The following NME7 variants were observed in gnomAD, a reference collection of about 807,000 sequenced individuals.
The protein encoded by NME7 is nucleoside diphosphate kinase 7.
Under a neutral mutation model 49.1 loss-of-function variants are expected in NME7, and 41 were observed. That is an observed-to-expected ratio of 0.83 (90% CI 0.65 to 1.08). The LOEUF (loss-of-function observed/expected upper bound fraction) is 1.08, where lower values mean the gene tolerates loss of function less well. Among genes scored for constraint, NME7 ranks in the 50% least tolerant of loss-of-function variants. The probability of loss-of-function intolerance (pLI) is 0.00; values close to 1 mark genes in which losing one functional copy is unlikely to be tolerated. For missense variants in NME7, 423 were observed against 463.4 expected, an observed-to-expected ratio of 0.91 and a Z score of 0.80; for synonymous variants, 139 against 150.6, an observed-to-expected ratio of 0.92 and a Z score of 0.56.
intron 3 of NME7, among the ~76,000 whole-genome samples, chr1:169,311,182 G>A (rs1336475151): frequency 1.3e-5 from 2 of 152,084 alleles, no homozygotes; most frequent in African/African-American, 2.4e-5. Context: ...ACTTTGGGAG[G>A]CCGAGGCAGG....
intron 11 of NME7, among the ~76,000 whole-genome samples, chr1:169,156,286 G>A (rs960860321): frequency 5.3e-5 from 8 of 151,662 alleles, no homozygotes; most frequent in Non-Finnish European, 1.2e-4. Flanking sequence ...TTCCAGCCTG[G>A]GTGACAGAGT....
chr1:169,336,613 G>C (rs1005928771), intron 1 of NME7, among the ~76,000 whole-genome samples: 1 of 152,088 alleles, frequency 6.6e-6, no homozygotes, highest in African/African-American at 2.4e-5. Context: ...ACAGGGTGCT[G>C]ATTGGTGTGT....
chr1:169,195,323 C>T (rs1214855762), intron 10 of NME7, among the ~76,000 whole-genome samples: 1 of 152,138 alleles, frequency 6.6e-6, no homozygotes, highest in Non-Finnish European at 1.5e-5. Flanking sequence ...GGGATCCTCC[C>T]ACCTCAGCTT....
At chr1:169,306,432 T>C (rs756342222) in intron 4 of NME7, among the ~76,000 whole-genome samples, 3 of 152,170 alleles carry the variant, frequency 2.0e-5, no homozygotes, top group Non-Finnish European at 4.4e-5. Flanking sequence ...CCTATGTTGA[T>C]ACGTTGAAAG....
chr1:169,290,742 G>A (rs1376159282), intron 6 of NME7, among the ~76,000 whole-genome samples: 2 of 152,092 alleles, frequency 1.3e-5, no homozygotes, highest in African/African-American at 4.8e-5. Context: ...CTATAGAATG[G>A]GAGAAAATTT....
intron 6 of NME7, among the ~76,000 whole-genome samples, chr1:169,296,832 C>T (rs1229916964): frequency 6.6e-6 from 1 of 152,028 alleles, no homozygotes; most frequent in African/African-American, 2.4e-5. Context: ...TTTATTTGAC[C>T]TTCAACCGTT....
At chr1:169,337,861 C>G (rs1652541449) in intron 1 of NME7, among the ~76,000 whole-genome samples, 1 of 152,124 alleles carries the variant, frequency 6.6e-6, no homozygotes, top group South Asian at 2.1e-4. Context: ...CTTCAAAGAC[C>G]AAGAAATTTT....
intron 6 of NME7, among the ~76,000 whole-genome samples, chr1:169,292,534 G>A (rs559934450): frequency 6.6e-6 from 1 of 152,234 alleles, no homozygotes; most frequent in South Asian, 2.1e-4. Flanking sequence ...AGGCAGAGGG[G>A]TAGAATGAGT....
chr1:169,347,971 T>C (rs1258992001), intron 1 of NME7, among the ~76,000 whole-genome samples: 1 of 152,216 alleles, frequency 6.6e-6, no homozygotes, highest in Admixed American at 6.5e-5. Flanking sequence ...TAGATTTACA[T>C]GCATTGCAAA....
At position 169,367,764 on chromosome 1, in the gene NME7, A is replaced by C; in HGVS notation, c.-54T>G. On this transcript the variant is annotated 5_prime_UTR_variant, in exon 1 of 12. Transcript: ENST00000367811. ...GGTATCGTTGAGACAGGAAGACACCACCACCACCACCATCATACGGTTACT... is the reference window on the plus strand; with the variant it reads ...GGTATCGTTGAGACAGGAAGACACCCCCACCACCACCATCATACGGTTACT... The C allele has an allele frequency of 6.2e-7, 1 of 1,609,370 alleles. No individual in the cohort carries two copies. The highest frequency in any genetic ancestry group is 1.1e-5 in the South Asian group (1 of 90,974).
chr1:169,246,915 T>C, intron 7 of NME7: 1 of 421,280 alleles, frequency 2.4e-6, no homozygotes, highest in East Asian at 7.0e-5. Context: ...ACCTACAATA[T>C]GGTGACTTTG....
At chr1:169,157,260 A>C (rs1358357009) in intron 11 of NME7, among the ~76,000 whole-genome samples, 1 of 152,176 alleles carries the variant, frequency 6.6e-6, no homozygotes. Flanking sequence ...TTTACTCAAC[A>C]GACTAAAAGC....
At chr1:169,192,542 A>G (rs3766071) in intron 10 of NME7, among the ~76,000 whole-genome samples, 56,300 of 151,858 alleles carry the variant, frequency 0.37, 11,006 homozygotes, top group East Asian at 0.73. Flanking sequence ...TCAGATTTTG[A>G]TATCTGAGGG....
At chr1:169,231,224 C>G (rs35232870) in intron 9 of NME7, among the ~76,000 whole-genome samples, 10,661 of 151,996 alleles carry the variant, frequency 0.07, 1,489 homozygotes, top group East Asian at 0.67. Context: ...AATAATAGGA[C>G]CAGATTTATT....
chr1:169,258,240 G>T lies in NME7; in HGVS notation c.755-20553C>A, dbSNP rs1176173527. ...TAGTGCCAGCTGCTCTGCTTGGGAG[G>T]CTGAGGTGGAAGGATCACTTGACTG... On this transcript the variant is annotated intron_variant, in intron 7 of 11. Coordinates refer to ENST00000367811, the MANE Select transcript of NME7 (RefSeq NM_013330.5). 4.7e-5 allele frequency among the ~76,000 whole-genome samples: 6 copies of T among 126,990 alleles called. 1 individual carries two copies. Among genetic ancestry groups the T allele is most frequent in the African/African-American group, 1.6e-4 (6 of 37,934 alleles). 83.3% of individuals were successfully genotyped at this position (126,990 alleles called of 152,430 possible). A position where few individuals can be genotyped will look rare whatever the true frequency, so the allele number is the denominator to read the frequency against.
rs574887342 is a variant in NME7 at position 169,210,177 on chromosome 1, G to T, written c.990+20541C>A. Among the ~76,000 whole-genome samples the T allele has an allele frequency of 2.0e-5, 3 of 152,092 alleles. No individual in the cohort carries two copies. The East Asian group carries it at 5.8e-4, about 29-fold the overall frequency. ...ATCTAACAAAAATGGAGGTAAAAGG[G>T]CAAAAATCCCTTAAAGTGAAATTTA... On this transcript the variant is annotated intron_variant, in intron 10 of 11. Transcript: ENST00000367811.
chr1:169,353,611 C>A (rs191726321), intron 1 of NME7, among the ~76,000 whole-genome samples: 30 of 152,032 alleles, frequency 2.0e-4, no homozygotes, highest in African/African-American at 7.2e-4. Context: ...AGTCAAGAGA[C>A]AACCCACAGA....
chr1:169,257,127 T>G lies in NME7; in HGVS notation c.755-19440A>C, dbSNP rs533583506. On this transcript the variant is annotated intron_variant, in intron 7 of 11. Coordinates refer to ENST00000367811, the MANE Select transcript of NME7 (RefSeq NM_013330.5). ...CTTCCTGGCTGCTTTGTTTACCTAA[T>G]CAAGCCTGAGCAATGGCGGGCGCCC... 1.1e-3 allele frequency among the ~76,000 whole-genome samples: 143 copies of G among 135,388 alleles called. 11 individuals are homozygous for G. The highest frequency in any genetic ancestry group is 3.5e-3 in the African/African-American group (140 of 40,022). The allele number at this position is 135,388 out of a possible 152,430, so 88.8% of individuals were successfully genotyped here. A position where few individuals can be genotyped will look rare whatever the true frequency, so the allele number is the denominator to read the frequency against.
intron 8 of NME7, among the ~76,000 whole-genome samples, chr1:169,235,415 C>A (rs1009073776): frequency 6.6e-6 from 1 of 152,016 alleles, no homozygotes; most frequent in Non-Finnish European, 1.5e-5. Flanking sequence ...CGTGCATCAT[C>A]TCATTTAGCC....
Sources: gnomAD v4.1 joint callset for allele counts (sites outside exome capture counted in the v4.1 genomes callset) on GRCh38, gnomAD v4.1.1 for gene constraint, MANE v1.5 for transcripts, NCBI Gene and HGNC (gene_info 2026-07-23, HGNC 2026-07-21) for gene names.